The following TTC23 variants were observed in gnomAD, a reference collection of about 807,000 sequenced individuals.
TTC23 encodes the protein tetratricopeptide repeat protein 23.
TTC23 carries 58 observed loss-of-function variants against 55.1 expected under a neutral mutation model. The observed-to-expected ratio is 1.05, with a 90% CI of 0.85 to 1.31. The LOEUF is 1.31. TTC23 is among the 50% of genes most tolerant of loss of function. The pLI is 0.00. For missense variants in TTC23, 516 were observed against 534.4 expected (o/e 0.97, Z 0.34); for synonymous variants, 203 against 199.9 (o/e 1.02, Z -0.13).
In TTC23 at chr15:99,197,398, G is replaced by A. The variant is rs117926259; in HGVS notation, c.759+2521C>T. ...ATTACAGGTGTGAGCCACCACGCCC[G>A]GCCTGGTTTCTGTTCTTATCATCAC... On this transcript the variant is annotated intron_variant, in intron 9 of 13. Transcript: ENST00000394132. 3.6e-4 allele frequency among the ~76,000 whole-genome samples: 54 copies of A among 151,906 alleles called. No individual in the cohort carries two copies. The East Asian group carries it at 7.0e-3, about 20-fold the overall frequency.
intron 12 of TTC23, among the ~76,000 whole-genome samples, chr15:99,142,848 G>A (rs1362137252): frequency 1.3e-5 from 2 of 152,212 alleles, no homozygotes; most frequent in East Asian, 3.8e-4. Flanking sequence ...GTAGAGAAGA[G>A]TGGAGTTAGG....
chr15:99,247,981 G>A (rs1393233548), intron 1 of TTC23, among the ~76,000 whole-genome samples: 2 of 152,120 alleles, frequency 1.3e-5, no homozygotes, highest in Non-Finnish European at 2.9e-5. Flanking sequence ...GCAGTTTTAT[G>A]TGTAATTCTG....
At chr15:99,151,609 C>T (rs1418539283) in intron 12 of TTC23, among the ~76,000 whole-genome samples, 1 of 152,206 alleles carries the variant, frequency 6.6e-6, no homozygotes, top group Non-Finnish European at 1.5e-5. Flanking sequence ...ATTTGGAAAC[C>T]ACAAGACAAT....
intron 5 of TTC23, among the ~76,000 whole-genome samples, chr15:99,222,115 A>T (rs977576364): frequency 1.3e-5 from 2 of 152,228 alleles, no homozygotes; most frequent in Non-Finnish European, 2.9e-5. Context: ...TAAGGGTGAA[A>T]AAAAGAAATA....
At chr15:99,183,143 G>A (rs756105493) in intron 9 of TTC23, among the ~76,000 whole-genome samples, 4 of 152,184 alleles carry the variant, frequency 2.6e-5, no homozygotes, top group Non-Finnish European at 4.4e-5. Context: ...TAAGGACAAT[G>A]AAGTCCACGC....
chr15:99,139,215 A>G, intron 13 of TTC23, 102 bp downstream of exon 13: 2 of 1,458,750 alleles, frequency 1.4e-6, no homozygotes, highest in African/African-American at 1.4e-5. Context: ...TCAGCAAAAC[A>G]TTCCAGAGAA....
At chr15:99,156,454 C>A (rs1460967222) in intron 11 of TTC23, among the ~76,000 whole-genome samples, 157 bp from the exon 12 acceptor site, 1 of 152,202 alleles carries the variant, frequency 6.6e-6, no homozygotes. Context: ...TGAAGAGATA[C>A]CTGAGACTGG....
chr15:99,240,837 C>T (rs1442053070), intron 3 of TTC23, among the ~76,000 whole-genome samples: 5 of 152,144 alleles, frequency 3.3e-5, no homozygotes, highest in African/African-American at 4.8e-5. Flanking sequence ...ATTTGACTTG[C>T]AATTGTAACG....
chr15:99,249,702 G>A (rs1178797634), upstream of TTC23: 2 of 152,136 alleles, frequency 1.3e-5, no homozygotes, highest in Non-Finnish European at 2.9e-5. Context: ...TTAAAATGAG[G>A]TCTTTTCCTT....
chr15:99,227,338 T>G (rs894193252), intron 5 of TTC23, among the ~76,000 whole-genome samples: 1 of 152,180 alleles, frequency 6.6e-6, no homozygotes, highest in Non-Finnish European at 1.5e-5. Flanking sequence ...AGTCATCCAG[T>G]CCTGTCCCAC....
In TTC23 at chr15:99,229,415, G is replaced by A. The variant is rs140465776; in HGVS notation, c.-20-683C>T. Among the ~76,000 whole-genome samples the A allele has an allele frequency of 1.2e-3, 184 of 152,308 alleles. 1 individual carries two copies. The highest frequency in any genetic ancestry group is 2.8e-3 in the Admixed American group (43 of 15,302). On this transcript the variant is annotated intron_variant, in intron 4 of 13. Coordinates refer to ENST00000394132, the MANE Select transcript of TTC23 (RefSeq NM_001288615.3). ...GACAAGCAATGAGAGAGCAATTCCT[G>A]AGAGATGGAAAAAATAAATCACCCC...
At position 99,215,710 on chromosome 15, in the gene TTC23, GTACTCCAGTCTGGGCAACAGAGTGAGA is replaced by G. The variant is rs778650002; in HGVS notation, c.581+2851_581+2877del. 4.6e-4 allele frequency among the ~76,000 whole-genome samples: 70 copies of G among 152,116 alleles called. No individual in the cohort carries two copies. In the East Asian group the frequency reaches 4.6e-3, roughly 10 times the overall value. ...TGCTGTGAACCATGACCCCACCACTGTACTCCAGTCTGGGCAACAGAGTGAGATCCTGTATACAAAAAAGAAAAGAAG... is the reference window on the plus strand; with the variant it reads ...TGCTGTGAACCATGACCCCACCACTGTCCTGTATACAAAAAAGAAAAGAAG... On this transcript the variant is annotated intron_variant, in intron 8 of 13. Coordinates refer to ENST00000394132, the MANE Select transcript of TTC23 (RefSeq NM_001288615.3).
intron 13 of TTC23, among the ~76,000 whole-genome samples, chr15:99,138,666 A>AGAGG (rs1435143741): frequency 6.6e-6 from 1 of 152,078 alleles, no homozygotes; most frequent in African/African-American, 2.4e-5. Context: ...GAGGCCCTCA[A>AGAGG]CCCTTAGCTG....
At chr15:99,205,928 T>G (rs1156328801) in intron 8 of TTC23, among the ~76,000 whole-genome samples, 2 of 152,238 alleles carry the variant, frequency 1.3e-5, no homozygotes, top group African/African-American at 2.4e-5. Flanking sequence ...CTGTTCTGTA[T>G]GATACTAGCT....
chr15:99,207,033 A>C (rs1596667043), intron 8 of TTC23, among the ~76,000 whole-genome samples: 1 of 152,238 alleles, frequency 6.6e-6, no homozygotes, highest in South Asian at 2.1e-4. Context: ...GAAAATTTTT[A>C]ATGTCCTTCT....
At chr15:99,140,635 G>T (rs1567305735) in intron 12 of TTC23, 2 of 152,192 alleles carry the variant, frequency 1.3e-5, no homozygotes, top group Non-Finnish European at 2.9e-5. Context: ...CTCCCAAAGT[G>T]CGGGGATTAT....
chr15:99,205,549 A>G (rs954632219), intron 8 of TTC23, among the ~76,000 whole-genome samples: 1 of 147,102 alleles, frequency 6.8e-6, no homozygotes, highest in Admixed American at 6.7e-5. Context: ...ATTTATTGCT[A>G]GGTTTTTTTT....
chr15:99,164,518 G>A (rs532383975), intron 10 of TTC23, among the ~76,000 whole-genome samples: 82 of 152,262 alleles, frequency 5.4e-4, no homozygotes, highest in African/African-American at 1.8e-3. Context: ...ATCATGACCC[G>A]TATATACAGT....
At chr15:99,180,778 C>G (rs2074039540) in intron 9 of TTC23, among the ~76,000 whole-genome samples, 1 of 152,198 alleles carries the variant, frequency 6.6e-6, no homozygotes, top group African/African-American at 2.4e-5. Context: ...ATCTCTCCTA[C>G]AGCAAAGTAG....
Sources: allele counts gnomAD v4.1 joint callset (sites outside exome capture counted in the v4.1 genomes callset), GRCh38; gene constraint gnomAD v4.1.1; transcripts MANE v1.5; gene names NCBI Gene and HGNC (gene_info 2026-07-23, HGNC 2026-07-21).